ODAD1: variants seen among roughly 807,000 people sequenced by gnomAD.
The protein encoded by ODAD1 is outer dynein arm docking complex subunit 1.
ODAD1 carries 49 observed loss-of-function variants against 67.2 expected under a neutral mutation model. The observed-to-expected ratio is 0.73, with a 90% CI of 0.58 to 0.92. The LOEUF is 0.92. Among genes scored for constraint, ODAD1 ranks in the 40% least tolerant of loss-of-function variants. ODAD1 has a pLI of 0.00. For synonymous variants in ODAD1, 345 were observed against 393.7 expected, an observed-to-expected ratio of 0.88 and a Z score of 1.46; for missense variants, 897 against 953.7, an observed-to-expected ratio of 0.94 and a Z score of 0.78.
chr19:48,304,489 C>T (rs1467237660), intron 8 of ODAD1, among the ~76,000 whole-genome samples: 1 of 152,104 alleles, frequency 6.6e-6, no homozygotes, highest in African/African-American at 2.4e-5. Flanking sequence ...CCTGGTGGTG[C>T]ATGCCTGTAA....
chr19:48,303,601 G>T, intron 10 of ODAD1, 49 bp downstream of exon 10: 1 of 1,611,344 alleles, frequency 6.2e-7, no homozygotes, highest in Non-Finnish European at 8.5e-7. Context: ...CTGGACTCAG[G>T]GGGTGCCGGG....
In ODAD1 at chr19:48,321,845, G is replaced by A. The variant is rs116494151; in HGVS notation, c.-231C>T. ...TAGGAAGGAAGGCGGTGTCGAAGCC[G>A]GGAGTTGCGCGGAGAAGGAGCGCTC... On this transcript the variant is annotated 5_prime_UTR_variant, in exon 1 of 16. Transcript: ENST00000674294. 10,967 of 398,608 alleles carry A rather than the reference G, an allele frequency of 0.028. 208 individuals carry two copies. The highest frequency in any genetic ancestry group is 0.1 in the Middle Eastern group (165 of 1,588). The allele number at this position is 398,608 out of a possible 1,614,324, so 24.7% of individuals were successfully genotyped here. A position where few individuals can be genotyped will look rare whatever the true frequency, so the allele number is the denominator to read the frequency against.
intron 12 of ODAD1, among the ~76,000 whole-genome samples, chr19:48,299,259 A>G (rs1004355183): frequency 2.0e-5 from 3 of 151,762 alleles, no homozygotes; most frequent in African/African-American, 7.3e-5. Context: ...AAATACAAAA[A>G]AACTAGCCGG....
At chr19:48,297,851 C>T in intron 14 of ODAD1, 149 bp downstream of exon 14, 1 of 836,718 alleles carries the variant, frequency 1.2e-6, no homozygotes, top group South Asian at 1.8e-5. Flanking sequence ...CTTCTGGCTG[C>T]CTCGAAGCAC....
chr19:48,319,596 C>G, intron 3 of ODAD1: 1 of 185,892 alleles, frequency 5.4e-6, no homozygotes, highest in Non-Finnish European at 1.0e-5. Context: ...GGCACAATCT[C>G]AGCTCACTGC....
chr19:48,300,976 T>C (rs1369980647), intron 12 of ODAD1: 1 of 152,118 alleles, frequency 6.6e-6, no homozygotes, highest in East Asian at 1.9e-4. Flanking sequence ...AATACAAAAA[T>C]TAGCTGGGCG....
At chr19:48,304,940 T>A (rs1258679849) in intron 8 of ODAD1, among the ~76,000 whole-genome samples, 1 of 152,198 alleles carries the variant, frequency 6.6e-6, no homozygotes, top group African/African-American at 2.4e-5. Flanking sequence ...ACAGAAGTGG[T>A]GCGGTTGCAC....
chr19:48,306,307 T>C lies in ODAD1; in HGVS notation c.614A>G (p.His205Arg). 1 of 1,551,440 alleles carries C rather than the reference T, an allele frequency of 6.4e-7. No homozygotes were observed. Residue 205 changes from histidine (H) to arginine (R), a missense_variant, in exon 8 of 16, where the codon CAT becomes CGT. By Grantham distance (29) the His-to-Arg change is conservative (BLOSUM62 0). Coordinates refer to ENST00000674294, the MANE Select transcript of ODAD1 (RefSeq NM_001364171.2). ...GAGGATAAGGGTGCTGACCAGGTGA[T>C]GCAGGTGGTGGATCTCCTGTGGGGG... ...RKLKKEIHHL[H>R]HLVSTLILSS...
At chr19:48,308,968 G>A (rs2037027366) in intron 7 of ODAD1, among the ~76,000 whole-genome samples, 1 of 152,056 alleles carries the variant, frequency 6.6e-6, no homozygotes, top group African/African-American at 2.4e-5. Context: ...CTTCCGAGTT[G>A]GTGGGGTGGG....
chr19:48,307,858 C>A (rs1470979814), intron 7 of ODAD1, among the ~76,000 whole-genome samples: 1 of 150,894 alleles, frequency 6.6e-6, no homozygotes, highest in Non-Finnish European at 1.5e-5. Context: ...TCTCTTAGTG[C>A]CTCAACACCT....
Position 48,297,877 on chromosome 19 carries a change from A to AC in ODAD1, c.1502+122dup, listed in dbSNP as rs572720977. 2.7e-4 allele frequency: 223 copies of AC among 839,558 alleles called. 4 individuals carry two copies. The African/African-American group carries it at 3.7e-3, about 14-fold the overall frequency. The allele number at this position is 839,558 out of a possible 1,614,324, so 52.0% of individuals were successfully genotyped here. A position where few individuals can be genotyped will look rare whatever the true frequency, so the allele number is the denominator to read the frequency against. On this transcript the variant is annotated intron_variant, in intron 14 of 15. Coordinates refer to ENST00000674294, the MANE Select transcript of ODAD1 (RefSeq NM_001364171.2). ...CTCGAAGCACATACTTCATATTCTA[A>AC]CCCCCCAGGGCCACATCCGCCAGCC... is the stretch of plus-strand genomic sequence containing the variant.
intron 5 of ODAD1, among the ~76,000 whole-genome samples, chr19:48,312,535 A>G (rs1220980568): frequency 6.7e-6 from 1 of 148,946 alleles, no homozygotes; most frequent in Non-Finnish European, 1.5e-5. Context: ...TAGTGCCTCA[A>G]CCTCCCGAGT....
chr19:48,303,090 C>A lies in ODAD1; in HGVS notation c.994G>T (p.Glu332Ter), dbSNP rs1218656140. 1.2e-6 allele frequency: 2 copies of A among 1,613,624 alleles called. No individual in the cohort carries two copies. Among genetic ancestry groups the A allele is most frequent in the South Asian group, 2.2e-5 (2 of 91,074 alleles). ...LLVQKYLEIE[E>*]RNFAEFNFIN... ...AAGTTGAACTCAGCAAAGTTGCGCTCCTCGACTGGGAGAGTTGGGCAAGGC... is the reference window on the plus strand; with the variant it reads ...AAGTTGAACTCAGCAAAGTTGCGCTACTCGACTGGGAGAGTTGGGCAAGGC... Residue 332 changes from glutamate to a stop codon, truncating the protein, a stop_gained, in exon 11 of 16, where the codon GAG (glutamate) becomes TAG (stop). Transcript: ENST00000674294. LOFTEE classifies it high-confidence loss of function.
rs533441612 is a variant in ODAD1 at position 48,303,804 on chromosome 19, C to T, written c.854-20G>A. 4 of 1,595,306 alleles carry T rather than the reference C, an allele frequency of 2.5e-6. No individual in the cohort carries two copies. The highest frequency in any genetic ancestry group is 1.1e-5 in the South Asian group (1 of 87,560). ...CCCCGGCTAGGGGAAGAGAGAACAG[C>T]AGGTCGGCCTCCTGGGTGGCCTCCA... On this transcript the variant is annotated intron_variant, in intron 9 of 15. Transcript: ENST00000674294.
At chr19:48,313,571 C>T (rs1056414634) in intron 5 of ODAD1, among the ~76,000 whole-genome samples, 9 of 151,898 alleles carry the variant, frequency 5.9e-5, no homozygotes, top group Admixed American at 2.0e-4. Flanking sequence ...TAATCCACTA[C>T]GACGAGGTGT....
At chr19:48,298,528 A>T (rs1968370326) in intron 12 of ODAD1, among the ~76,000 whole-genome samples, 188 bp from the exon 13 acceptor site, 1 of 152,084 alleles carries the variant, frequency 6.6e-6, no homozygotes, top group Non-Finnish European at 1.5e-5. Flanking sequence ...TCTCTCCCTG[A>T]CTTGTCCTTC....
At chr19:48,304,205 G>T (rs1227688217) in intron 8 of ODAD1, 65 bp from the exon 9 acceptor site, 5 of 1,473,392 alleles carry the variant, frequency 3.4e-6, no homozygotes, top group Admixed American at 2.0e-5. Context: ...GGGTCCTGGG[G>T]ATGGGCGGGG....
At chr19:48,298,375 C>CTG (rs1216878093) in intron 12 of ODAD1, 35 bp from the exon 13 acceptor site, 3 of 1,609,306 alleles carry the variant, frequency 1.9e-6, no homozygotes, top group Non-Finnish European at 2.5e-6. Flanking sequence ...AGGGATCTGG[C>CTG]ACCGCCAGCT....
rs1213086630 is a variant in ODAD1 at position 48,297,144 on chromosome 19, G to A, written c.1956C>T (p.Tyr652=). The A allele has an allele frequency of 2.5e-6, 4 of 1,613,952 alleles. No individual in the cohort carries two copies. The highest frequency in any genetic ancestry group is 1.1e-5 in the South Asian group (1 of 91,096). The change falls in exon 16 of 16, where the codon TAC becomes TAT. Residue 652 remains tyrosine (Y), a synonymous_variant. Transcript: ENST00000674294. ...SASSYLGSTG[Y]VGSSRGGENT... is the part of the protein sequence containing the mutation. ...TTTCTCCGCCCCTGCTGGACCCCAC[G>A]TATCCAGTGGAGCCCAGGTAGCTGC... is the stretch of plus-strand genomic sequence containing the variant.
Sources: allele counts gnomAD v4.1 joint callset (sites outside exome capture counted in the v4.1 genomes callset), GRCh38; gene constraint gnomAD v4.1.1; transcripts MANE v1.5; gene names NCBI Gene and HGNC (gene_info 2026-07-23, HGNC 2026-07-21).